ENTREP2: variants seen among roughly 807,000 people sequenced by gnomAD.
The protein encoded by ENTREP2 is protein ENTREP2.
chr15:29,415,788 C>A, the ENTREP2 span, among the ~76,000 whole-genome samples: 4 of 152,202 alleles, frequency 2.6e-5, no homozygotes, highest in Non-Finnish European at 5.9e-5. Context: ...AGCTGATAAG[C>A]AACTTCAGCA....
the ENTREP2 span, among the ~76,000 whole-genome samples, chr15:29,188,849 C>T: frequency 1.2e-4 from 19 of 152,184 alleles, no homozygotes; most frequent in African/African-American, 4.6e-4. Flanking sequence ...ATCGATCCTG[C>T]CTACATGATG....
chr15:29,307,246 C>T, the ENTREP2 span, among the ~76,000 whole-genome samples: 1 of 151,510 alleles, frequency 6.6e-6, no homozygotes, highest in Non-Finnish European at 1.5e-5. Context: ...AAAATTTGAA[C>T]AGCCATGTTT....
At chr15:29,641,831 C>CAAA in the ENTREP2 span, among the ~76,000 whole-genome samples, 16 of 78,624 alleles carry the variant, frequency 2.0e-4, no homozygotes, top group African/African-American at 5.3e-4. Flanking sequence ...GACTCTGTCT[C>CAAA]AAAAAAAAAA....
At chr15:29,285,071 G>A in the ENTREP2 span, among the ~76,000 whole-genome samples, 1 of 152,164 alleles carries the variant, frequency 6.6e-6, no homozygotes, top group South Asian at 2.1e-4. Context: ...GAGATGAAGA[G>A]GACACTGAAA....
At chr15:29,413,422 T>TA in the ENTREP2 span, among the ~76,000 whole-genome samples, 2 of 152,224 alleles carry the variant, frequency 1.3e-5, no homozygotes, top group African/African-American at 4.8e-5. Flanking sequence ...TGCAGTGGTT[T>TA]AATCAAAAGT....
chr15:29,299,516 C>T, the ENTREP2 span, among the ~76,000 whole-genome samples: 1 of 152,094 alleles, frequency 6.6e-6, no homozygotes. Context: ...CTTGCTCTTC[C>T]TTCTGTCTGG....
At chr15:29,373,344 C>A in the ENTREP2 span, among the ~76,000 whole-genome samples, 1 of 151,922 alleles carries the variant, frequency 6.6e-6, no homozygotes, top group Non-Finnish European at 1.5e-5. Flanking sequence ...CCAAGGGAAC[C>A]TGAGTTTAGG....
At chr15:29,480,464 C>G in the ENTREP2 span, among the ~76,000 whole-genome samples, 1 of 151,452 alleles carries the variant, frequency 6.6e-6, no homozygotes, top group Non-Finnish European at 1.5e-5. Flanking sequence ...GTTCTTTGTT[C>G]CCTGCGTGGA....
chr15:29,323,707 TAGA>T, the ENTREP2 span, among the ~76,000 whole-genome samples: 1 of 151,954 alleles, frequency 6.6e-6, no homozygotes. Flanking sequence ...TATTTCCAAG[TAGA>T]AGATGTTAAA....
At chr15:29,445,976 T>C in the ENTREP2 span, among the ~76,000 whole-genome samples, 1 of 152,202 alleles carries the variant, frequency 6.6e-6, no homozygotes, top group Non-Finnish European at 1.5e-5. Context: ...CACACACATC[T>C]GGGCGACCAG....
the ENTREP2 span, among the ~76,000 whole-genome samples, chr15:29,381,405 G>A: frequency 3.7e-5 from 5 of 134,526 alleles, no homozygotes; most frequent in African/African-American, 1.2e-4. Flanking sequence ...GCAGTGAGCC[G>A]AGATCATGCC....
the ENTREP2 span, among the ~76,000 whole-genome samples, chr15:29,300,839 T>C: frequency 0.16 from 24,714 of 152,220 alleles, 3,374 homozygotes; most frequent in African/African-American, 0.38. Context: ...CCTCGTGATC[T>C]GCCTGCCTGG....
the ENTREP2 span, among the ~76,000 whole-genome samples, chr15:29,477,178 C>T: frequency 1.3e-5 from 2 of 151,972 alleles, no homozygotes; most frequent in East Asian, 3.9e-4. Flanking sequence ...TGTATGAATC[C>T]ATTTATATAA....
chr15:29,568,961 C>T, the ENTREP2 span, among the ~76,000 whole-genome samples: 1 of 152,152 alleles, frequency 6.6e-6, no homozygotes, highest in African/African-American at 2.4e-5. Context: ...CCAGGAAGGG[C>T]GGGCTCAGGG....
chr15:29,627,824 CTTTTT>C, the ENTREP2 span, among the ~76,000 whole-genome samples: 3 of 152,102 alleles, frequency 2.0e-5, no homozygotes, highest in African/African-American at 2.4e-5. Flanking sequence ...AAATTTCCTT[CTTTTT>C]TAAGACTGGA....
the ENTREP2 span, among the ~76,000 whole-genome samples, chr15:29,560,648 C>T: frequency 6.6e-6 from 1 of 152,084 alleles, no homozygotes; most frequent in East Asian, 2.0e-4. Flanking sequence ...TGCTCTGAGA[C>T]TGGGCTACAG....
the ENTREP2 span, among the ~76,000 whole-genome samples, chr15:29,329,180 G>A: frequency 6.6e-6 from 1 of 151,750 alleles, no homozygotes; most frequent in Admixed American, 6.6e-5. Context: ...GGCTAACATG[G>A]TGAAACCCCG....
chr15:29,645,067 A>T, the ENTREP2 span, among the ~76,000 whole-genome samples: 2 of 152,128 alleles, frequency 1.3e-5, no homozygotes, highest in Non-Finnish European at 2.9e-5. Flanking sequence ...AAGAGAAATA[A>T]ATTGAGTTCA....
chr15:29,387,193 G>C, the ENTREP2 span, among the ~76,000 whole-genome samples: 1 of 152,144 alleles, frequency 6.6e-6, no homozygotes, highest in African/African-American at 2.4e-5. Flanking sequence ...AATTTATTGA[G>C]AGTTTTTAGC....
Sources: gnomAD v4.1 joint callset for allele counts (sites outside exome capture counted in the v4.1 genomes callset) on GRCh38, gnomAD v4.1.1 for gene constraint, MANE v1.5 for transcripts, NCBI Gene and HGNC (gene_info 2026-07-23, HGNC 2026-07-21) for gene names.